The following UBA6 variants were observed in gnomAD, a reference collection of about 807,000 sequenced individuals.
UBA6 encodes ubiquitin like modifier activating enzyme 6, also known as ubiquitin-like modifier-activating enzyme 6.
Under a neutral mutation model 148.3 loss-of-function variants are expected in UBA6, and 87 were observed. The ratio of observed to expected loss-of-function variants is 0.59; its 90% CI spans 0.49 to 0.70. The LOEUF is 0.70. Among genes scored for constraint, UBA6 ranks in the 30% least tolerant of loss-of-function variants. The pLI, the probability that UBA6 is intolerant of heterozygous loss-of-function variation, is 0.00. For missense variants in UBA6, 1,186 were observed against 1,241.2 expected (o/e 0.96, Z 0.67); for synonymous variants, 376 against 401.0 (o/e 0.94, Z 0.75).
intron 25 of UBA6, among the ~76,000 whole-genome samples, chr4:67,630,962 G>A (rs911411813): frequency 3.9e-5 from 6 of 152,186 alleles, no homozygotes; most frequent in Non-Finnish European, 8.8e-5. Flanking sequence ...AAGCAGTCCA[G>A]CATAAGGTGA....
At chr4:67,630,413 T>C (rs1728970067) in intron 26 of UBA6, 53 bp downstream of exon 26, 3 of 1,164,272 alleles carry the variant, frequency 2.6e-6, no homozygotes, top group Admixed American at 2.2e-5. Flanking sequence ...GCATCAGTCA[T>C]CTAATTCTAA....
chr4:67,675,016 C>A lies in UBA6; in HGVS notation c.466-1239G>T, dbSNP rs186601127. On this transcript the variant is annotated intron_variant, in intron 6 of 32. Coordinates refer to ENST00000322244, the MANE Select transcript of UBA6 (RefSeq NM_018227.6). ...TCCCCAGTAGCTGGGATTACAGGCA[C>A]ATGCCACCATGCCCAGCTAATTTTT... Among the ~76,000 whole-genome samples, 400 of 152,264 alleles carry A rather than the reference C, an allele frequency of 2.6e-3. 3 individuals are homozygous for A. Among genetic ancestry groups the A allele is most frequent in the African/African-American group, 9.1e-3 (377 of 41,566 alleles).
rs768727125 is a variant in UBA6, at chr4:67,649,179, G to A, written c.1137C>T (p.Leu379=). ...ATAAAAAGCCTTGGGCAGTCCAAGA[G>A]AGCCAATGCACAATGTCAGCATTTA... ...PDVNADIVHW[L]SWTAQGFLSP... is the part of the protein sequence containing the mutation. Residue 379 remains leucine (L), a synonymous_variant, in exon 14 of 33, where the codon CTC becomes CTT. Transcript: ENST00000322244. The A allele has an allele frequency of 1.2e-6, 2 of 1,612,350 alleles. No individual in the cohort carries two copies. The highest frequency in any genetic ancestry group is 1.3e-5 in the African/African-American group (1 of 74,824).
At chr4:67,700,845 T>G (rs1197389802) in intron 1 of UBA6, among the ~76,000 whole-genome samples, 2 of 152,058 alleles carry the variant, frequency 1.3e-5, no homozygotes, top group Non-Finnish European at 2.9e-5. Context: ...AAAGGGGACT[T>G]TTCCCTCAGG....
chr4:67,623,073 AAAAAC>A (rs1368457020), intron 31 of UBA6, 57 bp downstream of exon 31: 9 of 1,432,980 alleles, frequency 6.3e-6, no homozygotes, highest in Non-Finnish European at 6.7e-6. Context: ...AATTATAAAT[AAAAAC>A]AAAACAGAAA....
At chr4:67,639,817 C>T (rs1232776920) in intron 18 of UBA6, among the ~76,000 whole-genome samples, 2 of 152,014 alleles carry the variant, frequency 1.3e-5, no homozygotes, top group African/African-American at 4.8e-5. Flanking sequence ...TATACATTAA[C>T]AAAAGGCATA....
chr4:67,683,120 T>A (rs1175609383), intron 2 of UBA6, among the ~76,000 whole-genome samples: 1 of 152,230 alleles, frequency 6.6e-6, no homozygotes, highest in Admixed American at 6.5e-5. Context: ...AAACTTTTCT[T>A]TTTAAATTGG....
intron 32 of UBA6, among the ~76,000 whole-genome samples, chr4:67,620,992 G>T (rs1377809519): frequency 6.6e-6 from 1 of 152,130 alleles, no homozygotes; most frequent in Non-Finnish European, 1.5e-5. Flanking sequence ...CTTGCTAAAA[G>T]GTCAATGTAA....
intron 28 of UBA6, among the ~76,000 whole-genome samples, chr4:67,625,506 T>A (rs1240012251): frequency 1.3e-5 from 2 of 151,920 alleles, no homozygotes; most frequent in Admixed American, 6.6e-5. Context: ...GCACATCTCC[T>A]ATCAAGTGGT....
intron 4 of UBA6, among the ~76,000 whole-genome samples, chr4:67,679,452 G>T (rs1730377582): frequency 6.6e-6 from 1 of 151,930 alleles, no homozygotes; most frequent in Non-Finnish European, 1.5e-5. Context: ...CAAATACATG[G>T]ACTAAACTGT....
chr4:67,674,533 G>A (rs967756918), intron 6 of UBA6, among the ~76,000 whole-genome samples: 1 of 152,100 alleles, frequency 6.6e-6, no homozygotes, highest in African/African-American at 2.4e-5. Context: ...CTTGGGGGAC[G>A]GGGGCGAGGA....
At chr4:67,679,934 T>C (rs935219995) in intron 4 of UBA6, among the ~76,000 whole-genome samples, 8 of 152,022 alleles carry the variant, frequency 5.3e-5, no homozygotes, top group Non-Finnish European at 1.0e-4. Flanking sequence ...TAACCAAAGA[T>C]GGAACAATCT....
At chr4:67,699,926 T>C (rs992677154) in intron 1 of UBA6, among the ~76,000 whole-genome samples, 3 of 152,118 alleles carry the variant, frequency 2.0e-5, no homozygotes, top group African/African-American at 7.2e-5. Context: ...ATTATCTACT[T>C]TCCTATCATT....
intron 26 of UBA6, among the ~76,000 whole-genome samples, chr4:67,630,208 A>G (rs1728964498): frequency 6.6e-6 from 1 of 152,030 alleles, no homozygotes; most frequent in Non-Finnish European, 1.5e-5. Context: ...ATATTCTTAA[A>G]ACAAAGTTTA....
intron 2 of UBA6, among the ~76,000 whole-genome samples, chr4:67,689,267 C>T (rs184493769): frequency 1.1e-3 from 171 of 152,212 alleles, no homozygotes; most frequent in African/African-American, 3.9e-3. Flanking sequence ...GCATTTTCAA[C>T]TTAATAATAT....
intron 13 of UBA6, 43 bp downstream of exon 13, chr4:67,662,146 T>C (rs1472676896): frequency 1.8e-5 from 28 of 1,577,030 alleles, no homozygotes; most frequent in Non-Finnish European, 2.3e-5. Flanking sequence ...CACTTATGTA[T>C]TAACAAACAA....
intron 4 of UBA6, among the ~76,000 whole-genome samples, chr4:67,679,334 A>G (rs1483733419): frequency 6.6e-6 from 1 of 152,152 alleles, no homozygotes; most frequent in Non-Finnish European, 1.5e-5. Flanking sequence ...AAGAAGCTAG[A>G]CTTACCTGAA....
At chr4:67,696,490 CAT>C (rs200504164) in intron 2 of UBA6, among the ~76,000 whole-genome samples, 153 bp downstream of exon 2, 12 of 149,858 alleles carry the variant, frequency 8.0e-5, no homozygotes, top group Non-Finnish European at 1.5e-4. Flanking sequence ...TATACACACA[CAT>C]ATATATACAC....
chr4:67,637,036 C>T (rs575511539), intron 19 of UBA6, among the ~76,000 whole-genome samples: 105 of 150,934 alleles, frequency 7.0e-4, no homozygotes, highest in African/African-American at 2.2e-3. Context: ...CGCCTCTGCC[C>T]GGCCGCGACC....
Sources: gnomAD v4.1 joint callset for allele counts (sites outside exome capture counted in the v4.1 genomes callset) on GRCh38, gnomAD v4.1.1 for gene constraint, MANE v1.5 for transcripts, NCBI Gene and HGNC (gene_info 2026-07-23, HGNC 2026-07-21) for gene names.